The following MTCL1 variants were observed in gnomAD, a reference collection of about 807,000 sequenced individuals.
The protein encoded by MTCL1 is microtubule cross-linking factor 1.
A neutral mutation model predicts 141.4 loss-of-function variants in MTCL1; 79 were observed. The ratio of observed to expected loss-of-function variants is 0.56; its 90% CI spans 0.47 to 0.67. The LOEUF is 0.67. MTCL1 is among the 30% of genes least tolerant of loss of function. MTCL1 has a pLI of 0.00. For missense variants in MTCL1, 2,177 were observed against 2,113.9 expected (o/e 1.03, Z -0.59); for synonymous variants, 914 against 875.8 (o/e 1.04, Z -0.77).
intron 4 of MTCL1, among the ~76,000 whole-genome samples, chr18:8,730,483 C>T (rs1480939872): frequency 6.6e-6 from 1 of 152,172 alleles, no homozygotes; most frequent in Non-Finnish European, 1.5e-5. Flanking sequence ...TTAATAAAGG[C>T]CAGTAATTCC....
At chr18:8,778,708 C>A (rs1268583910) in intron 5 of MTCL1, among the ~76,000 whole-genome samples, 1 of 152,212 alleles carries the variant, frequency 6.6e-6, no homozygotes, top group East Asian at 1.9e-4. Context: ...CCCTTCCACC[C>A]TCCCCAACCT....
intron 1 of MTCL1, chr18:8,717,850 A>T: frequency 1.0e-6 from 1 of 977,550 alleles, no homozygotes; most frequent in Non-Finnish European, 1.2e-6. Context: ...TGAATGGGAA[A>T]AAACAGACCC....
At chr18:8,770,704 T>G (rs2096481936) in intron 4 of MTCL1, among the ~76,000 whole-genome samples, 1 of 152,214 alleles carries the variant, frequency 6.6e-6, no homozygotes, top group Non-Finnish European at 1.5e-5. Flanking sequence ...GTGCCTGGCA[T>G]GAGTGGGTGC....
Position 8,783,527 on chromosome 18 carries a change from C to T in MTCL1, c.418-3C>T, listed in dbSNP as rs1021307062. ...CTTCTCCCGGGCTGTTCTCTCCTGG[C>T]AGGATGACAGTGCCGATTTGAGGTG... On this transcript the variant is annotated splice_polypyrimidine_tract_variant and splice_region_variant and intron_variant, in intron 5 of 16. Coordinates refer to ENST00000359865, the Ensembl canonical transcript of MTCL1. 3.8e-6 allele frequency: 6 copies of T among 1,594,752 alleles called. No individual in the cohort carries two copies. Among genetic ancestry groups the T allele is most frequent in the Non-Finnish European group, 4.3e-6 (5 of 1,166,172 alleles).
chr18:8,785,011 C>T (rs960401263), intron 6 of MTCL1, among the ~76,000 whole-genome samples, 168 bp downstream of exon 5: 8 of 125,912 alleles, frequency 6.4e-5, no homozygotes, highest in African/African-American at 1.4e-4. Context: ...GGTTGGGCTC[C>T]GTTTTTTTTG....
intron 16 of MTCL1, chr18:8,829,398 G>T: frequency 1.0e-6 from 1 of 985,150 alleles, no homozygotes; most frequent in Non-Finnish European, 1.2e-6. Flanking sequence ...ACCCTAATGT[G>T]ATAAGGCTTT....
intron 6 of MTCL1, among the ~76,000 whole-genome samples, 178 bp downstream of exon 5, chr18:8,785,021 GTT>G (rs770562541): frequency 2.8e-4 from 36 of 130,258 alleles, no homozygotes; most frequent in African/African-American, 8.5e-4. Context: ...CGTTTTTTTT[GTT>G]TTTTTTTTTT....
At chr18:8,778,299 G>A (rs1011712224) in intron 5 of MTCL1, among the ~76,000 whole-genome samples, 2 of 152,212 alleles carry the variant, frequency 1.3e-5, no homozygotes, top group Non-Finnish European at 2.9e-5. Context: ...TTTTAAATGT[G>A]CAAGCTGAAC....
At chr18:8,821,692 G>A (rs774531045) in intron 14 of MTCL1, among the ~76,000 whole-genome samples, 194 bp downstream of exon 13, 6 of 152,258 alleles carry the variant, frequency 3.9e-5, no homozygotes, top group East Asian at 1.9e-4. Context: ...GAAGTTAGAC[G>A]TGCTGTGTCA....
chr18:8,745,505 G>A (rs949485955), intron 4 of MTCL1, among the ~76,000 whole-genome samples: 3 of 152,110 alleles, frequency 2.0e-5, no homozygotes, highest in South Asian at 2.1e-4. Context: ...TTATCATTCC[G>A]TTGTCTGGAT....
chr18:8,824,562 C>T (rs2076952112), intron 14 of MTCL1, 137 bp from the exon 14 acceptor site: 2 of 678,238 alleles, frequency 2.9e-6, no homozygotes, highest in Non-Finnish European at 5.0e-6. Context: ...AGCACATGAG[C>T]AGCTGACAGT....
chr18:8,825,100 C>G, exon 15 of MTCL1: 1 of 1,605,208 alleles, frequency 6.2e-7, no homozygotes, highest in Non-Finnish European at 8.5e-7. Context: ...CACAGCCCGC[C>G]TGCCGTGCGC....
chr18:8,796,445 G>A lies in MTCL1; in HGVS notation c.2224G>A (p.Gly742Arg), dbSNP rs928544434. The A allele has an allele frequency of 3.1e-6, 5 of 1,614,046 alleles. No homozygotes were observed. In the African/African-American group the frequency reaches 5.3e-5, roughly 17 times the overall value. ...GCAAGGGAAGCAGATGGAGGAGGAA[G>A]GAGAGGAGTTCACTGAGGTAACTCC... Residue 742 changes from glycine to arginine, a missense_variant, in exon 9 of 17, where the codon GGA becomes AGA. Coordinates refer to ENST00000359865, the Ensembl canonical transcript of MTCL1.
chr18:8,786,463 ACT>A (rs1568036601), intron 7 of MTCL1: 1 of 429,822 alleles, frequency 2.3e-6, no homozygotes. Context: ...TCTGGAGGAA[ACT>A]CTCCTTAGAG....
exon 6 of MTCL1, chr18:8,784,537 C>G (rs114537770): frequency 1.1e-5 from 18 of 1,605,668 alleles, no homozygotes; most frequent in East Asian, 4.5e-5. Context: ...TCACGGACAC[C>G]GACAGCTTCC....
chr18:8,831,150 G>A lies in MTCL1; in HGVS notation c.*19-457G>A, dbSNP rs142201176. 1.1e-3 allele frequency: 1,067 copies of A among 989,222 alleles called. 14 individuals are homozygous for A. The African/African-American group carries it at 0.017, about 16-fold the overall frequency. 61.3% of individuals were successfully genotyped at this position (989,222 alleles called of 1,614,324 possible). On this transcript the variant is annotated intron_variant, in intron 16 of 16. Transcript: ENST00000359865. ...TTGCTAACACAGCTGAATGAAATCA[G>A]AGGTCTCTTTGTGGGCTCCCAGTAG...
intron 4 of MTCL1, among the ~76,000 whole-genome samples, chr18:8,729,552 G>A (rs1420812332): frequency 1.3e-5 from 2 of 151,470 alleles, no homozygotes; most frequent in Non-Finnish European, 2.9e-5. Flanking sequence ...AGAGTTATAC[G>A]CCACCGCACC....
chr18:8,727,244 A>C (rs2096221795), intron 4 of MTCL1, among the ~76,000 whole-genome samples: 1 of 152,174 alleles, frequency 6.6e-6, no homozygotes, highest in Non-Finnish European at 1.5e-5. Flanking sequence ...GCTATTGTGC[A>C]TATTGCTTCA....
chr18:8,788,889 T>TA (rs567780378), intron 7 of MTCL1, among the ~76,000 whole-genome samples: 10 of 152,162 alleles, frequency 6.6e-5, no homozygotes, highest in Non-Finnish European at 1.2e-4. Context: ...TCTCAGGAGA[T>TA]ATTAGCGAGA....
Sources: allele counts gnomAD v4.1 joint callset (sites outside exome capture counted in the v4.1 genomes callset), GRCh38; gene constraint gnomAD v4.1.1; transcripts MANE v1.5; gene names NCBI Gene and HGNC (gene_info 2026-07-23, HGNC 2026-07-21).